Variants in CCSER1 observed in about 807,000 individuals in gnomAD.
CCSER1 encodes the protein coiled-coil serine rich protein 1.
CCSER1 carries 41 observed loss-of-function variants against 82.0 expected under a neutral mutation model. The ratio of observed to expected loss-of-function variants is 0.50; its 90% CI spans 0.39 to 0.65. The LOEUF (loss-of-function observed/expected upper bound fraction) is 0.65, where lower values mean the gene tolerates loss of function less well. Among genes scored for constraint, CCSER1 ranks in the 30% least tolerant of loss-of-function variants. CCSER1 has a pLI of 0.00. For synonymous variants in CCSER1, 414 were observed against 383.9 expected, an observed-to-expected ratio of 1.08 and a Z score of -0.92; for missense variants, 1,119 against 1,064.2, an observed-to-expected ratio of 1.05 and a Z score of -0.72.
intron 8 of CCSER1, among the ~76,000 whole-genome samples, chr4:90,880,250 G>A (rs377382971): frequency 1.8e-4 from 28 of 152,232 alleles, no homozygotes; most frequent in African/African-American, 6.3e-4. Context: ...TCCCCAACCT[G>A]GAAACACCAG....
At chr4:91,506,629 A>G (rs1759504995) in intron 10 of CCSER1, among the ~76,000 whole-genome samples, 1 of 152,156 alleles carries the variant, frequency 6.6e-6, no homozygotes, top group African/African-American at 2.4e-5. Flanking sequence ...GGAAATTAAA[A>G]TAGGAATAAT....
At chr4:91,120,312 A>G (rs1004726044) in intron 10 of CCSER1, among the ~76,000 whole-genome samples, 2 of 152,048 alleles carry the variant, frequency 1.3e-5, no homozygotes, top group African/African-American at 2.4e-5. Flanking sequence ...ATTGCATGAG[A>G]CAAAGAGACA....
At chr4:91,175,873 G>A (rs567471776) in intron 10 of CCSER1, among the ~76,000 whole-genome samples, 1 of 152,182 alleles carries the variant, frequency 6.6e-6, no homozygotes, top group East Asian at 1.9e-4. Flanking sequence ...CATTGCTTTT[G>A]GTGTTTTAGT....
chr4:91,170,137 G>A (rs920130682), intron 10 of CCSER1, among the ~76,000 whole-genome samples: 1 of 152,172 alleles, frequency 6.6e-6, no homozygotes, highest in African/African-American at 2.4e-5. Context: ...TAAAAGATCT[G>A]ACATCTTAAG....
At chr4:91,461,545 G>A (rs1281248563) in intron 10 of CCSER1, among the ~76,000 whole-genome samples, 7 of 152,092 alleles carry the variant, frequency 4.6e-5, no homozygotes, top group South Asian at 4.2e-4. Context: ...TTACCAGGAC[G>A]TCCTTTTATC....
At chr4:90,722,063 A>G (rs898609368) in intron 6 of CCSER1, among the ~76,000 whole-genome samples, 2 of 151,666 alleles carry the variant, frequency 1.3e-5, no homozygotes, top group East Asian at 3.9e-4. Context: ...TAATTTCTGG[A>G]AAGTTGTGGG....
chr4:91,081,101 A>G (rs1246295525), intron 9 of CCSER1, among the ~76,000 whole-genome samples: 1 of 152,192 alleles, frequency 6.6e-6, no homozygotes, highest in African/African-American at 2.4e-5. Flanking sequence ...CAGAGACACA[A>G]CAAAAAAAGG....
chr4:91,170,505 A>T (rs1732640934), intron 10 of CCSER1, among the ~76,000 whole-genome samples: 1 of 152,180 alleles, frequency 6.6e-6, no homozygotes, highest in African/African-American at 2.4e-5. Flanking sequence ...AGAAAGGGAG[A>T]TAAGTGTGAC....
At position 90,452,225 on chromosome 4, in the gene CCSER1, C is replaced by T. The variant is rs147244901; in HGVS notation, c.1604-16009C>T. On this transcript the variant is annotated intron_variant, in intron 4 of 10. Transcript: ENST00000509176. The stretch of plus-strand genomic sequence containing the variant: ...AAGGGGGTTTTTTTGAGGTCCTCTC[C>T]GGCTGCATAGGTTTGCACTACTATC... Among the ~76,000 whole-genome samples, 479 of 152,226 alleles carry T rather than the reference C, an allele frequency of 3.1e-3. 6 individuals carry two copies. Among genetic ancestry groups the T allele is most frequent in the African/African-American group, 0.011 (454 of 41,546 alleles).
At chr4:91,156,598 T>C (rs897273428) in intron 10 of CCSER1, among the ~76,000 whole-genome samples, 1 of 151,750 alleles carries the variant, frequency 6.6e-6, no homozygotes, top group African/African-American at 2.4e-5. Flanking sequence ...TAAGAAAAGC[T>C]TTAAAATATT....
chr4:91,217,684 A>G (rs1454481727), intron 10 of CCSER1, among the ~76,000 whole-genome samples: 1 of 152,074 alleles, frequency 6.6e-6, no homozygotes, highest in Non-Finnish European at 1.5e-5. Flanking sequence ...CATATTTACA[A>G]ACCCTGAGCT....
At chr4:90,299,377 A>G (rs1254241993) in intron 1 of CCSER1, among the ~76,000 whole-genome samples, 1 of 152,118 alleles carries the variant, frequency 6.6e-6, no homozygotes, top group Non-Finnish European at 1.5e-5. Flanking sequence ...TGTTTTGGTT[A>G]TTATGTTTAT....
At chr4:90,863,085 C>A (rs62311129) in intron 8 of CCSER1, among the ~76,000 whole-genome samples, 8 of 151,198 alleles carry the variant, frequency 5.3e-5, no homozygotes, top group Non-Finnish European at 1.2e-4. Flanking sequence ...GCTATCCCTC[C>A]CCGCTCCCCC....
chr4:90,643,232 A>G (rs1726893898), intron 6 of CCSER1, among the ~76,000 whole-genome samples: 1 of 147,748 alleles, frequency 6.8e-6, no homozygotes, highest in Admixed American at 7.1e-5. Flanking sequence ...CTGTATTTCA[A>G]CTCCTCAACT....
chr4:91,522,440 C>T (rs1003822620), intron 10 of CCSER1, among the ~76,000 whole-genome samples: 11 of 152,104 alleles, frequency 7.2e-5, no homozygotes, highest in East Asian at 3.9e-4. Context: ...GGGGATGGCA[C>T]TGAATCTATA....
intron 10 of CCSER1, among the ~76,000 whole-genome samples, chr4:91,577,881 C>T (rs920083696): frequency 6.6e-6 from 1 of 151,578 alleles, no homozygotes. Context: ...TTGTCTAAGA[C>T]AAAACTATAT....
chr4:90,504,020 C>G (rs1420935735), intron 5 of CCSER1, among the ~76,000 whole-genome samples: 1 of 152,078 alleles, frequency 6.6e-6, no homozygotes, highest in Non-Finnish European at 1.5e-5. Context: ...ACCAAAAATA[C>G]ATAATTGTAT....
intron 10 of CCSER1, among the ~76,000 whole-genome samples, chr4:91,485,568 T>C (rs1274729289): frequency 1.3e-5 from 2 of 152,160 alleles, no homozygotes; most frequent in Admixed American, 6.5e-5. Flanking sequence ...GTGAACTCAC[T>C]TGTACTCTTC....
In CCSER1 at chr4:91,036,214, T is replaced by C. The variant is rs1000704637; in HGVS notation, c.2173-49736T>C. ...TGCATAAGATACCAACCTTCCCTCA[T>C]TGAAAAACATTGTTCATAACAAACT... On this transcript the variant is annotated intron_variant, in intron 9 of 10. Transcript: ENST00000509176. Among the ~76,000 whole-genome samples the C allele has an allele frequency of 7.2e-5, 11 of 152,316 alleles. No individual in the cohort carries two copies. The South Asian group carries it at 1.0e-3, about 14-fold the overall frequency.
Sources: allele counts gnomAD v4.1 joint callset (sites outside exome capture counted in the v4.1 genomes callset), GRCh38; gene constraint gnomAD v4.1.1; transcripts MANE v1.5; gene names NCBI Gene and HGNC (gene_info 2026-07-23, HGNC 2026-07-21).